DOCK4: variants seen among roughly 807,000 people sequenced by gnomAD.
DOCK4 encodes dedicator of cytokinesis protein 4.
A neutral mutation model predicts 268.1 loss-of-function variants in DOCK4; 97 were observed. The ratio of observed to expected loss-of-function variants is 0.36; its 90% confidence interval spans 0.31 to 0.43. DOCK4 has a LOEUF of 0.43. DOCK4 is among the 20% of genes least tolerant of loss of function. DOCK4 has a pLI of 1.00. For synonymous variants in DOCK4, 954 were observed against 887.2 expected, an observed-to-expected ratio of 1.08 and a Z score of -1.34; for missense variants, 2,145 against 2,455.7, an observed-to-expected ratio of 0.87 and a Z score of 2.67.
chr7:111,728,024 CTT>C lies in DOCK4; in HGVS notation c.*248_*249del, dbSNP rs1401644660. The C allele has an allele frequency of 7.7e-6, 3 of 387,664 alleles. No individual in the cohort carries two copies. Among genetic ancestry groups the C allele is most frequent in the Non-Finnish European group, 1.4e-5 (3 of 220,230 alleles). The allele number at this position is 387,664 out of a possible 1,614,324, so 24.0% of individuals were successfully genotyped here. A position where few individuals can be genotyped will look rare whatever the true frequency, so the allele number is the denominator to read the frequency against. On this transcript the variant is annotated 3_prime_UTR_variant, in exon 53 of 53. Transcript: ENST00000428084. ...GAACATAAAAAGGTACAAAAGGAGT[CTT>C]TATCACTATTTACCACTTCCAAATG...
intron 15 of DOCK4, 56 bp downstream of exon 15, chr7:111,900,318 T>A: frequency 6.4e-7 from 1 of 1,573,068 alleles, no homozygotes; most frequent in Non-Finnish European, 8.7e-7. Context: ...GACAGCTCAG[T>A]AAGCAGGATA....
At chr7:111,982,627 T>C (rs1798693219) in intron 7 of DOCK4, among the ~76,000 whole-genome samples, 1 of 152,150 alleles carries the variant, frequency 6.6e-6, no homozygotes, top group Admixed American at 6.5e-5. Context: ...AAGACCCAAA[T>C]AACTGGTAAA....
At chr7:111,764,495 T>C (rs1179045248) in intron 39 of DOCK4, among the ~76,000 whole-genome samples, 1 of 152,226 alleles carries the variant, frequency 6.6e-6, no homozygotes, top group Non-Finnish European at 1.5e-5. Flanking sequence ...AAGGTGTATA[T>C]ACTGAAGTAT....
chr7:112,085,545 T>C (rs1809002405), intron 1 of DOCK4, among the ~76,000 whole-genome samples: 1 of 152,118 alleles, frequency 6.6e-6, no homozygotes, highest in Admixed American at 6.5e-5. Context: ...TATCTTACCT[T>C]TCCTGTAAAA....
chr7:112,128,794 C>T (rs1245475905), intron 1 of DOCK4, among the ~76,000 whole-genome samples: 1 of 151,892 alleles, frequency 6.6e-6, no homozygotes, highest in African/African-American at 2.4e-5. Flanking sequence ...CCGCAGGGTC[C>T]TCTGCCTGGG....
At chr7:112,158,256 G>C (rs1174925899) in intron 1 of DOCK4, among the ~76,000 whole-genome samples, 1 of 152,130 alleles carries the variant, frequency 6.6e-6, no homozygotes. Context: ...TTTCTAGCTA[G>C]AAACCTATAT....
intron 31 of DOCK4, chr7:111,789,018 C>G (rs569072953): frequency 2.1e-6 from 1 of 479,954 alleles, no homozygotes; most frequent in African/African-American, 1.9e-5. Flanking sequence ...TGCTTGCAGC[C>G]CAGTTTAAAC....
intron 13 of DOCK4, among the ~76,000 whole-genome samples, chr7:111,906,655 A>C (rs1396808700): frequency 2.0e-5 from 3 of 152,060 alleles, no homozygotes; most frequent in Admixed American, 6.6e-5. Context: ...AATGATCTTG[A>C]GATAGGGAGA....
chr7:112,202,526 A>AT (rs11375170), intron 1 of DOCK4, among the ~76,000 whole-genome samples: 122,472 of 152,090 alleles, frequency 0.81, 49,377 homozygotes, highest in Middle Eastern at 0.85. Context: ...TAATAGCCTG[A>AT]TTAATCACTC....
At position 111,895,617 on chromosome 7, in the gene DOCK4, G is replaced by A. The variant is rs1163530023; in HGVS notation, c.1582C>T (p.His528Tyr). 8 of 1,613,614 alleles carry A rather than the reference G, an allele frequency of 5.0e-6. No homozygotes were observed. The highest frequency in any genetic ancestry group is 6.8e-6 in the Non-Finnish European group (8 of 1,179,682). Residue 528 changes from histidine (H) to tyrosine (Y), a missense_variant, in exon 16 of 53, where the codon CAT (histidine) becomes TAT (tyrosine). Around this residue, in one of 2 missense-constraint regions of DOCK4, gnomAD observed 1,598 missense variants for 1,986.7 expected, o/e 0.80. Coordinates refer to ENST00000428084, the MANE Select transcript of DOCK4 (RefSeq NM_001363540.2). ...LPDGTHELIVHKCEENTNLQD... is the reference protein window; with the variant it reads ...LPDGTHELIVYKCEENTNLQD... ...CACCATCTGACTGATGTTACCTTAT[G>A]CACGATGAGCTCATGAGTGCCATCT...
chr7:111,831,956 C>T (rs1802846821), intron 26 of DOCK4, among the ~76,000 whole-genome samples: 1 of 152,190 alleles, frequency 6.6e-6, no homozygotes, highest in African/African-American at 2.4e-5. Context: ...ACAACTATTT[C>T]TTGAATGCCT....
chr7:112,121,722 C>A (rs868795402), intron 1 of DOCK4, among the ~76,000 whole-genome samples: 1 of 152,156 alleles, frequency 6.6e-6, no homozygotes, highest in African/African-American at 2.4e-5. Flanking sequence ...GGCTCATGGA[C>A]CAACATACAG....
In DOCK4 at chr7:112,093,131, T is replaced by C. The variant is rs562930873; in HGVS notation, c.38-89000A>G. ...TAAGGTATGCTGCTGCATCCTTAAA[T>C]AGGCAGATAGTCACGCTGTTGCTTG... is the stretch of plus-strand genomic sequence containing the variant. On this transcript the variant is annotated intron_variant, in intron 1 of 52. Coordinates refer to ENST00000428084, the MANE Select transcript of DOCK4 (RefSeq NM_001363540.2). Among the ~76,000 whole-genome samples the C allele has an allele frequency of 9.8e-5, 15 of 152,296 alleles. No individual in the cohort carries two copies. The South Asian group carries it at 2.9e-3, about 29-fold the overall frequency.
intron 5 of DOCK4, 46 bp from the exon 6 acceptor site, chr7:111,989,209 T>C (rs765049993): frequency 8.7e-6 from 14 of 1,605,366 alleles, no homozygotes; most frequent in Admixed American, 3.3e-5. Flanking sequence ...GTACCTATAC[T>C]GAGTTGTGGG....
chr7:111,933,099 C>CAT (rs373606874), intron 12 of DOCK4, among the ~76,000 whole-genome samples: 1 of 137,184 alleles, frequency 7.3e-6, no homozygotes, highest in Admixed American at 7.3e-5. Flanking sequence ...CGTATATACA[C>CAT]ATATATATAC....
intron 13 of DOCK4, among the ~76,000 whole-genome samples, chr7:111,913,448 C>G (rs1191352089): frequency 6.9e-6 from 1 of 144,132 alleles, no homozygotes; most frequent in Admixed American, 7.0e-5. Context: ...CTCGCTCTGT[C>G]GCCCAGGCTG....
At chr7:111,741,388 A>G (rs979926624) in intron 46 of DOCK4, among the ~76,000 whole-genome samples, 152 bp downstream of exon 46, 2 of 152,184 alleles carry the variant, frequency 1.3e-5, no homozygotes, top group African/African-American at 2.4e-5. Flanking sequence ...TTGCTGTTTT[A>G]CTGGTGGCAG....
At position 111,728,456 on chromosome 7, in the gene DOCK4, C is replaced by A. The variant is rs1183688992; in HGVS notation, c.5746G>T (p.Glu1916Ter). Residue 1916 changes from glutamate to a stop codon, truncating the protein, a stop_gained, in exon 53 of 53, where the codon GAG (glutamate) becomes TAG (stop). Transcript: ENST00000428084. LOFTEE classifies it high-confidence loss of function. Reference protein sequence around the residue: ...SKTPPPYSVYERTLRRPVPLP... With the variant: ...SKTPPPYSVY ...GGGACGGGGCGCCGCAGAGTCCGCTCGTAGACGCTGTACGGGGGCGGAGTC... is the reference window on the plus strand; with the variant it reads ...GGGACGGGGCGCCGCAGAGTCCGCTAGTAGACGCTGTACGGGGGCGGAGTC... 1.2e-6 allele frequency: 2 copies of A among 1,608,106 alleles called. No individual in the cohort carries two copies. The highest frequency in any genetic ancestry group is 1.1e-5 in the South Asian group (1 of 90,296).
At chr7:112,105,642 T>G (rs1462654535) in intron 1 of DOCK4, among the ~76,000 whole-genome samples, 1 of 151,706 alleles carries the variant, frequency 6.6e-6, no homozygotes, top group East Asian at 1.9e-4. Flanking sequence ...TTTTCTTTCT[T>G]CTTCCTCTTC....
Sources: allele counts gnomAD v4.1 joint callset (sites outside exome capture counted in the v4.1 genomes callset), GRCh38; gene constraint gnomAD v4.1.1; regional missense constraint gnomAD v4.1.1; transcripts MANE v1.5; gene names NCBI Gene and HGNC (gene_info 2026-07-23, HGNC 2026-07-21).